CAMTA1: variants seen among roughly 807,000 people sequenced by gnomAD.
The protein encoded by CAMTA1 is calmodulin binding transcription activator 1, also known as calmodulin-binding transcription activator 1.
CAMTA1 carries 27 observed loss-of-function variants against 170.9 expected under a neutral mutation model. The ratio of observed to expected loss-of-function variants is 0.16; its 90% CI spans 0.12 to 0.22. CAMTA1 has a LOEUF of 0.22. CAMTA1 is among the 10% of genes least tolerant of loss of function. The pLI is 1.00. For missense variants in CAMTA1, 1,619 were observed against 2,217.2 expected (o/e 0.73, Z 5.42); for synonymous variants, 833 against 891.5 (o/e 0.93, Z 1.17).
intron 5 of CAMTA1, among the ~76,000 whole-genome samples, chr1:7,448,020 T>C (rs1211060275): frequency 1.3e-5 from 2 of 152,252 alleles, no homozygotes; most frequent in Non-Finnish European, 2.9e-5. Flanking sequence ...CCCATGTCAC[T>C]GAGTCCTCGG....
At chr1:7,225,758 G>A (rs145027456) in intron 4 of CAMTA1, among the ~76,000 whole-genome samples, 37 of 152,326 alleles carry the variant, frequency 2.4e-4, no homozygotes, top group African/African-American at 7.7e-4. Flanking sequence ...TTGGCTCAGA[G>A]TTCCCTCGAC....
At chr1:6,834,552 C>T (rs941433932) in intron 3 of CAMTA1, 10 of 231,780 alleles carry the variant, frequency 4.3e-5, no homozygotes, top group East Asian at 3.4e-4. Context: ...TAGGCCTTCA[C>T]GCCACAGCGG....
chr1:7,335,357 T>G (rs2149775239), intron 5 of CAMTA1, among the ~76,000 whole-genome samples: 1 of 152,318 alleles, frequency 6.6e-6, no homozygotes, highest in East Asian at 1.9e-4. Flanking sequence ...CACATTCCTA[T>G]CGGGCATTTA....
intron 5 of CAMTA1, among the ~76,000 whole-genome samples, chr1:7,415,386 G>A (rs1364093303): frequency 6.6e-6 from 1 of 151,698 alleles, no homozygotes; most frequent in African/African-American, 2.4e-5. Flanking sequence ...ATTATTGTGT[G>A]GGAGTCTAAG....
chr1:7,051,815 G>C (rs960498702), intron 3 of CAMTA1, among the ~76,000 whole-genome samples: 1 of 151,602 alleles, frequency 6.6e-6, no homozygotes, highest in Non-Finnish European at 1.5e-5. Flanking sequence ...GCTCTGTGGT[G>C]TCCCAGTCTA....
chr1:7,656,300 T>C (rs2095902647), intron 7 of CAMTA1, among the ~76,000 whole-genome samples: 1 of 152,192 alleles, frequency 6.6e-6, no homozygotes, highest in Admixed American at 6.5e-5. Context: ...ACATTGGGGT[T>C]GGTTTCTGGT....
At chr1:7,006,131 G>A (rs1008356989) in intron 3 of CAMTA1, among the ~76,000 whole-genome samples, 3 of 152,186 alleles carry the variant, frequency 2.0e-5, no homozygotes, top group Non-Finnish European at 2.9e-5. Context: ...GAAGGGCTTC[G>A]TAGACCTGCC....
chr1:7,086,524 A>G (rs1640765870), intron 3 of CAMTA1, among the ~76,000 whole-genome samples: 1 of 152,146 alleles, frequency 6.6e-6, no homozygotes, highest in African/African-American at 2.4e-5. Context: ...AGACATTTTC[A>G]TCACCCCAGA....
In CAMTA1 at chr1:7,565,149, C is replaced by T. The variant is rs750144186; in HGVS notation, c.511-75251C>T. 6.6e-6 allele frequency among the ~76,000 whole-genome samples: 1 copy of T among 151,994 alleles called. No homozygotes were observed. The highest frequency in any genetic ancestry group is 1.5e-5 in the Non-Finnish European group (1 of 67,992). On this transcript the variant is annotated intron_variant, in intron 6 of 22. Transcript: ENST00000303635. The surrounding 1 kb of genome is among the most constrained non-coding windows in gnomAD (Gnocchi z 4.5). ...GTCACCTGTGCTACCTGGATATACC[C>T]CTCACACCCCCACCCTCCACTTGCC...
intron 3 of CAMTA1, among the ~76,000 whole-genome samples, chr1:6,981,253 A>T (rs569224395): frequency 6.6e-6 from 1 of 152,346 alleles, no homozygotes. Flanking sequence ...AATTTCCAAT[A>T]AAGGATGTGG....
chr1:6,792,956 T>G (rs1439457707), intron 1 of CAMTA1, among the ~76,000 whole-genome samples: 1 of 152,148 alleles, frequency 6.6e-6, no homozygotes, highest in African/African-American at 2.4e-5. Flanking sequence ...TTTAAACATG[T>G]TATTATGTGG....
At chr1:7,301,405 T>C (rs1331922300) in intron 5 of CAMTA1, among the ~76,000 whole-genome samples, 1 of 152,240 alleles carries the variant, frequency 6.6e-6, no homozygotes, top group Non-Finnish European at 1.5e-5. Flanking sequence ...GCTCTGTTGA[T>C]CAACTTCCTT....
At chr1:7,153,270 TA>T (rs1646681218) in intron 4 of CAMTA1, among the ~76,000 whole-genome samples, 1 of 152,210 alleles carries the variant, frequency 6.6e-6, no homozygotes, top group African/African-American at 2.4e-5. Context: ...GGTTGCCTTG[TA>T]AAACAGAACA....
chr1:7,706,857 C>T (rs968687767), intron 11 of CAMTA1, among the ~76,000 whole-genome samples: 2 of 151,296 alleles, frequency 1.3e-5, no homozygotes, highest in African/African-American at 4.9e-5. Context: ...TTTGGTGATA[C>T]CCTGGCGGAT....
At position 7,446,100 on chromosome 1, in the gene CAMTA1, A is replaced by G. The variant is rs549399140; in HGVS notation, c.439-21730A>G. On this transcript the variant is annotated intron_variant, in intron 5 of 22. Transcript: ENST00000303635. ...CCGGTGCATCCTCCGCCCGCCGCTC[A>G]CCTTGCTGTCGGCAAGAGTTAAGTT... 2.6e-3 allele frequency among the ~76,000 whole-genome samples: 395 copies of G among 151,290 alleles called. 1 individual carries two copies. The highest frequency in any genetic ancestry group is 9.3e-3 in the African/African-American group (382 of 41,068).
rs1323022765 is a variant in CAMTA1 at position 7,234,209 on chromosome 1, C to G, written c.303-15282C>G. On this transcript the variant is annotated intron_variant, in intron 4 of 22. Coordinates refer to ENST00000303635, the MANE Select transcript of CAMTA1 (RefSeq NM_015215.4). The surrounding 1 kb of genome is among the most constrained non-coding windows in gnomAD (Gnocchi z 5.0). ...TGCCCTGTTCTTTGTCTGCCAGCCT[C>G]TGCCAAGCTTCCTCTCCAAACCTGG... Among the ~76,000 whole-genome samples the G allele has an allele frequency of 6.6e-6, 1 of 152,192 alleles. No homozygotes were observed. The highest frequency in any genetic ancestry group is 1.5e-5 in the Non-Finnish European group (1 of 68,028).
intron 3 of CAMTA1, among the ~76,000 whole-genome samples, chr1:6,964,291 C>T (rs1013083522): frequency 2.6e-5 from 4 of 151,622 alleles, no homozygotes; most frequent in African/African-American, 9.7e-5. Context: ...CCTGGGTGTT[C>T]ATGTAGGAGT....
rs142428382 is a variant in CAMTA1 at position 7,685,027 on chromosome 1, G to A, written c.2914+7294G>A. On this transcript the variant is annotated intron_variant, in intron 11 of 22. Coordinates refer to ENST00000303635, the MANE Select transcript of CAMTA1 (RefSeq NM_015215.4). The surrounding 1 kb of genome is among the most constrained non-coding windows in gnomAD (Gnocchi z 5.7). ...TCGGGGAGTTCACAGGCACCGTCCC[G>A]CGGTCACAGGTGGCATGTTTTGAGG... 7.2e-5 allele frequency among the ~76,000 whole-genome samples: 11 copies of A among 152,262 alleles called. No individual in the cohort carries two copies. Among genetic ancestry groups the A allele is most frequent in the Admixed American group, 3.3e-4 (5 of 15,292 alleles).
intron 4 of CAMTA1, among the ~76,000 whole-genome samples, chr1:7,138,206 C>T (rs1230483089): frequency 6.6e-6 from 1 of 152,062 alleles, no homozygotes; most frequent in Non-Finnish European, 1.5e-5. Context: ...AGGCTGGTCT[C>T]ATCTCTAACT....
Sources: gnomAD v4.1 joint callset for allele counts (sites outside exome capture counted in the v4.1 genomes callset) on GRCh38, gnomAD v4.1.1 for gene constraint, Gnocchi (gnomAD v3.1) non-coding constraint, MANE v1.5 for transcripts, NCBI Gene and HGNC (gene_info 2026-07-23, HGNC 2026-07-21) for gene names.